Variants in GABRB2 observed in about 807,000 individuals in gnomAD.
GABRB2 encodes the protein gamma-aminobutyric acid receptor subunit beta-2.
Under a neutral mutation model 54.7 loss-of-function variants are expected in GABRB2, and 16 were observed. The ratio of observed to expected loss-of-function variants is 0.29; its 90% CI spans 0.20 to 0.44. GABRB2 has a LOEUF of 0.44. GABRB2 is among the 20% of genes least tolerant of loss of function. The pLI, the probability that GABRB2 is intolerant of heterozygous loss-of-function variation, is 1.00. For missense variants in GABRB2, 355 were observed against 644.0 expected (o/e 0.55, Z 4.86); for synonymous variants, 244 against 233.8 (o/e 1.04, Z -0.40).
chr5:161,410,868 C>G (rs1756492162), intron 5 of GABRB2, 107 bp downstream of exon 5: 2 of 769,154 alleles, frequency 2.6e-6, no homozygotes, highest in Non-Finnish European at 2.1e-6. Flanking sequence ...GTTGGGCTAG[C>G]AGAACCTTTG....
chr5:161,546,649 T>C lies in GABRB2; in HGVS notation c.-6A>G, dbSNP rs1760994773. On this transcript the variant is annotated 5_prime_UTR_variant, in exon 1 of 10. Transcript: ENST00000393959. ...CTTTTCCGCACTCTCCACATCCCTT[T>C]AGTTTTTGATGGAATTGAGGGTTTC... is the stretch of plus-strand genomic sequence containing the variant. 4 of 1,587,078 alleles carry C rather than the reference T, an allele frequency of 2.5e-6. No individual in the cohort carries two copies. Among genetic ancestry groups the C allele is most frequent in the East Asian group, 2.3e-5 (1 of 44,264 alleles).
intron 9 of GABRB2, among the ~76,000 whole-genome samples, chr5:161,298,199 T>C (rs1356549503): frequency 1.3e-5 from 2 of 152,212 alleles, no homozygotes; most frequent in Admixed American, 1.3e-4. Context: ...ATGAATAGAT[T>C]CCAAACACTT....
At position 161,373,919 on chromosome 5, in the gene GABRB2, C is replaced by CTTTATTTTAT. The variant is rs147829012; in HGVS notation, c.541+37046_541+37055dup. Among the ~76,000 whole-genome samples, 80 of 151,780 alleles carry CTTTATTTTAT rather than the reference C, an allele frequency of 5.3e-4. 1 individual carries two copies. In the East Asian group the frequency reaches 0.011, roughly 21 times the overall value. On this transcript the variant is annotated intron_variant, in intron 5 of 9. Coordinates refer to ENST00000393959, the MANE Select transcript of GABRB2 (RefSeq NM_001371727.1). Reference sequence around the variant, plus strand: ...GTCTCCAGTTCAGTCTTCTCGTCTTCTTTATTTTATTTTATTTTATTTTAT... The same window carrying CTTTATTTTAT: ...GTCTCCAGTTCAGTCTTCTCGTCTTCTTTATTTTATTTTATTTTATTTTATTTTATTTTAT...
intron 5 of GABRB2, among the ~76,000 whole-genome samples, chr5:161,406,071 T>A (rs1042692636): frequency 2.0e-5 from 3 of 152,098 alleles, no homozygotes; most frequent in Non-Finnish European, 4.4e-5. Flanking sequence ...CCTTTTGCTA[T>A]ATCAATCAAA....
chr5:161,386,517 C>T (rs949636708), intron 5 of GABRB2, among the ~76,000 whole-genome samples: 6 of 151,956 alleles, frequency 3.9e-5, no homozygotes, highest in African/African-American at 1.4e-4. Flanking sequence ...TGAGTTATAC[C>T]AATATATTTG....
At chr5:161,366,993 T>C (rs996181476) in intron 5 of GABRB2, among the ~76,000 whole-genome samples, 2 of 152,132 alleles carry the variant, frequency 1.3e-5, no homozygotes, top group Non-Finnish European at 2.9e-5. Flanking sequence ...ATCTACTCTA[T>C]TGTTGATAAA....
chr5:161,441,455 C>T (rs995710385), intron 4 of GABRB2, among the ~76,000 whole-genome samples: 6 of 152,108 alleles, frequency 3.9e-5, no homozygotes, highest in Non-Finnish European at 7.4e-5. Flanking sequence ...CAAGCAATAA[C>T]AAATGGTGAT....
intron 3 of GABRB2, among the ~76,000 whole-genome samples, chr5:161,525,264 G>T (rs1246457925): frequency 1.3e-5 from 2 of 151,368 alleles, no homozygotes; most frequent in Admixed American, 1.3e-4. Context: ...GCCAACACGA[G>T]TTAAATAGAG....
intron 2 of GABRB2, 27 bp from the exon 3 acceptor site, chr5:161,545,321 G>A (rs1760946369): frequency 1.3e-6 from 2 of 1,566,730 alleles, no homozygotes. Context: ...CCAGCCACGT[G>A]ATTTCTTTGA....
At chr5:161,474,000 G>A (rs965614568) in intron 3 of GABRB2, among the ~76,000 whole-genome samples, 8 of 152,096 alleles carry the variant, frequency 5.3e-5, no homozygotes, top group Admixed American at 5.3e-4. Context: ...TAACCTCTGA[G>A]GAGGTGGATA....
At chr5:161,339,828 G>C (rs1754102807) in intron 5 of GABRB2, among the ~76,000 whole-genome samples, 1 of 151,970 alleles carries the variant, frequency 6.6e-6, no homozygotes, top group African/African-American at 2.4e-5. Flanking sequence ...TCACACGTCT[G>C]GCAAATGATA....
intron 3 of GABRB2, among the ~76,000 whole-genome samples, chr5:161,470,762 G>A (rs917726310): frequency 5.3e-5 from 8 of 151,524 alleles, no homozygotes; most frequent in Non-Finnish European, 7.4e-5. Context: ...TAATATTTTC[G>A]GACAGTGGTT....
intron 5 of GABRB2, among the ~76,000 whole-genome samples, 195 bp from the exon 6 acceptor site, chr5:161,336,964 C>A (rs1754012933): frequency 6.6e-6 from 1 of 152,054 alleles, no homozygotes. Flanking sequence ...TCATGACGAT[C>A]TCATTAGGGT....
At chr5:161,386,269 T>C (rs950389787) in intron 5 of GABRB2, among the ~76,000 whole-genome samples, 4 of 152,260 alleles carry the variant, frequency 2.6e-5, no homozygotes, top group African/African-American at 9.6e-5. Context: ...TGTGATTTAA[T>C]GGCACAAGAA....
At chr5:161,426,147 T>A (rs1756992273) in intron 4 of GABRB2, among the ~76,000 whole-genome samples, 1 of 152,106 alleles carries the variant, frequency 6.6e-6, no homozygotes, top group African/African-American at 2.4e-5. Context: ...AGAATGGGAT[T>A]ATAGAAATCA....
At chr5:161,523,271 G>T (rs1760173279) in intron 3 of GABRB2, among the ~76,000 whole-genome samples, 1 of 151,472 alleles carries the variant, frequency 6.6e-6, no homozygotes, top group South Asian at 2.1e-4. Flanking sequence ...ACTTTCACAA[G>T]TAATCCTACC....
chr5:161,509,775 T>G (rs1581045214), intron 3 of GABRB2, among the ~76,000 whole-genome samples: 1 of 151,856 alleles, frequency 6.6e-6, no homozygotes, highest in African/African-American at 2.4e-5. Context: ...ATAGGAATCC[T>G]TCTTCCACAC....
At chr5:161,437,180 A>G (rs1034423403) in intron 4 of GABRB2, among the ~76,000 whole-genome samples, 11 of 151,912 alleles carry the variant, frequency 7.2e-5, no homozygotes, top group Admixed American at 3.9e-4. Flanking sequence ...GAGTGTTAGC[A>G]TCACCACCCC....
At chr5:161,407,933 T>C (rs914864664) in intron 5 of GABRB2, among the ~76,000 whole-genome samples, 1 of 152,062 alleles carries the variant, frequency 6.6e-6, no homozygotes, top group Non-Finnish European at 1.5e-5. Context: ...CATCCCTGTA[T>C]ATTTAAGAAA....
Sources: allele counts gnomAD v4.1 joint callset (sites outside exome capture counted in the v4.1 genomes callset), GRCh38; gene constraint gnomAD v4.1.1; transcripts MANE v1.5; gene names NCBI Gene and HGNC (gene_info 2026-07-23, HGNC 2026-07-21).